The following DPH6 variants were observed in gnomAD, a reference collection of about 807,000 sequenced individuals.
DPH6 encodes the protein diphthine--ammonia ligase.
Under a neutral mutation model 38.2 loss-of-function variants are expected in DPH6, and 33 were observed. The ratio of observed to expected loss-of-function variants is 0.86; its 90% CI spans 0.65 to 1.15. The LOEUF (loss-of-function observed/expected upper bound fraction) is 1.15. Among genes scored for constraint, DPH6 ranks in the 50% most tolerant of loss-of-function variants. The pLI is 0.00. For missense variants in DPH6, 325 were observed against 320.0 expected (o/e 1.02, Z -0.12); for synonymous variants, 108 against 103.0 (o/e 1.05, Z -0.30).
Position 35,277,430 on chromosome 15 carries a change from G to C in DPH6, n.201-56848C>G, listed in dbSNP as rs546045978. Among the ~76,000 whole-genome samples the C allele has an allele frequency of 2.0e-5, 3 of 152,142 alleles. No individual in the cohort carries two copies. The East Asian group carries it at 5.8e-4, about 29-fold the overall frequency. ...TGCCTTTTATTTCCCCCTCTTGTCT[G>C]ACTGCTCTCCAGCCTCAGGTATTTC... On this transcript the variant is annotated intron_variant and non_coding_transcript_variant, in intron 3 of 3. Coordinates refer to the DPH6 transcript ENST00000560386.
chr15:35,358,391 A>T (rs1235798447), intron 3 of DPH6, among the ~76,000 whole-genome samples: 1 of 151,152 alleles, frequency 6.6e-6, no homozygotes, highest in Admixed American at 6.6e-5. Context: ...TAAATCAGGG[A>T]TTTCTTCTTC....
chr15:35,439,738 T>C (rs948347737), intron 5 of DPH6, among the ~76,000 whole-genome samples: 3 of 150,838 alleles, frequency 2.0e-5, no homozygotes, highest in East Asian at 3.9e-4. Flanking sequence ...ACCCAACTCA[T>C]AGTCATTAAA....
At chr15:35,296,058 G>T (rs1047450567) in intron 3 of DPH6, among the ~76,000 whole-genome samples, 11 of 152,068 alleles carry the variant, frequency 7.2e-5, no homozygotes, top group African/African-American at 2.4e-4. Flanking sequence ...TCTTGCCTCA[G>T]CCTCCCAAGT....
At chr15:35,299,026 G>A in intron 3 of DPH6, 1 of 726,678 alleles carries the variant, frequency 1.4e-6, no homozygotes, top group Non-Finnish European at 2.5e-6. Context: ...CGTGCATCAT[G>A]TCTGTATTTA....
At chr15:35,429,865 T>A (rs953694296) in intron 5 of DPH6, among the ~76,000 whole-genome samples, 3 of 152,168 alleles carry the variant, frequency 2.0e-5, no homozygotes, top group African/African-American at 7.2e-5. Flanking sequence ...TCTTAGCTGT[T>A]ACTTTGGTGT....
At chr15:35,333,319 A>C (rs985039853) in intron 3 of DPH6, among the ~76,000 whole-genome samples, 10 of 152,182 alleles carry the variant, frequency 6.6e-5, no homozygotes, top group African/African-American at 2.4e-4. Context: ...CAAAGGAGCA[A>C]AAGTATTATA....
intron 6 of DPH6, among the ~76,000 whole-genome samples, chr15:35,392,871 T>C (rs1033574097): frequency 6.6e-5 from 10 of 152,188 alleles, no homozygotes; most frequent in Non-Finnish European, 1.0e-4. Flanking sequence ...ACGAGTATTC[T>C]AGAAGAAACT....
intron 3 of DPH6, among the ~76,000 whole-genome samples, chr15:35,301,357 G>C (rs982956051): frequency 5.3e-5 from 8 of 152,156 alleles, no homozygotes; most frequent in Non-Finnish European, 7.4e-5. Flanking sequence ...AAGAATGAAA[G>C]CTCAGACAAT....
chr15:35,506,611 AT>A (rs1416098174), intron 3 of DPH6, among the ~76,000 whole-genome samples: 1 of 152,158 alleles, frequency 6.6e-6, no homozygotes, highest in African/African-American at 2.4e-5. Flanking sequence ...GGAATCTCCA[AT>A]TTACACGCTT....
At chr15:35,543,419 G>A (rs1237816472) in intron 1 of DPH6, among the ~76,000 whole-genome samples, 3 of 151,632 alleles carry the variant, frequency 2.0e-5, no homozygotes, top group Non-Finnish European at 4.4e-5. Context: ...AAGACAAGCA[G>A]TAGCTCATCT....
intron 3 of DPH6, among the ~76,000 whole-genome samples, chr15:35,358,044 T>C (rs985853943): frequency 2.0e-5 from 3 of 152,192 alleles, no homozygotes; most frequent in Middle Eastern, 6.8e-3. Flanking sequence ...GGTTGTTTAA[T>C]GTAATCCCAG....
chr15:35,357,767 T>C (rs1271153826), intron 3 of DPH6, among the ~76,000 whole-genome samples: 2 of 152,166 alleles, frequency 1.3e-5, no homozygotes, highest in African/African-American at 4.8e-5. Flanking sequence ...ATCTGATAGG[T>C]TTATAGGTTT....
At chr15:35,490,192 C>G in intron 3 of DPH6, 19 of 985,140 alleles carry the variant, frequency 1.9e-5, no homozygotes, top group Non-Finnish European at 2.3e-5. Context: ...CTCTTTCTTA[C>G]TCTTCCTAAA....
At chr15:35,500,462 G>C (rs1357298043) in intron 3 of DPH6, among the ~76,000 whole-genome samples, 1 of 152,122 alleles carries the variant, frequency 6.6e-6, no homozygotes, top group Non-Finnish European at 1.5e-5. Context: ...GAGAGCACTA[G>C]GGCTATTTTT....
At chr15:35,258,478 G>T (rs1228093493) in intron 3 of DPH6, among the ~76,000 whole-genome samples, 1 of 152,148 alleles carries the variant, frequency 6.6e-6, no homozygotes, top group Non-Finnish European at 1.5e-5. Flanking sequence ...AAGGATATTA[G>T]AAATAATCTC....
At chr15:35,175,905 A>G in the DPH6 span, among the ~76,000 whole-genome samples, 1 of 152,222 alleles carries the variant, frequency 6.6e-6, no homozygotes, top group Admixed American at 6.5e-5. Flanking sequence ...GTACTAGGGT[A>G]CTGTTTAGAA....
chr15:35,516,666 G>A (rs1480188453), intron 3 of DPH6, among the ~76,000 whole-genome samples: 1 of 152,100 alleles, frequency 6.6e-6, no homozygotes, highest in African/African-American at 2.4e-5. Context: ...CATCATTAAA[G>A]GATAAAAACA....
chr15:35,450,629 G>T, intron 5 of DPH6, 56 bp downstream of exon 5: 1 of 1,363,066 alleles, frequency 7.3e-7, no homozygotes, highest in Non-Finnish European at 1.0e-6. Context: ...ACTTATTAGT[G>T]AACTGAGATC....
chr15:35,264,130 G>A (rs1020362325), intron 3 of DPH6, among the ~76,000 whole-genome samples: 2 of 151,040 alleles, frequency 1.3e-5, no homozygotes, highest in Non-Finnish European at 2.9e-5. Flanking sequence ...AAAAAAAAAG[G>A]ACACAAGTAT....
Sources: allele counts gnomAD v4.1 joint callset (sites outside exome capture counted in the v4.1 genomes callset), GRCh38; gene constraint gnomAD v4.1.1; transcripts MANE v1.5; gene names NCBI Gene and HGNC (gene_info 2026-07-23, HGNC 2026-07-21).